Variants in SETBP1 observed in about 807,000 individuals in gnomAD.
The protein encoded by SETBP1 is SET-binding protein.
Under a neutral mutation model 101.0 loss-of-function variants are expected in SETBP1, and 9 were observed. The ratio of observed to expected loss-of-function variants is 0.09; its 90% confidence interval spans 0.05 to 0.16. The LOEUF is 0.16. Among genes scored for constraint, SETBP1 ranks in the 10% least tolerant of loss-of-function variants. The pLI, the probability that SETBP1 is intolerant of heterozygous loss-of-function variation, is 1.00. For synonymous variants in SETBP1, 818 were observed against 788.5 expected, an observed-to-expected ratio of 1.04 and a Z score of -0.63; for missense variants, 1,858 against 2,033.8, an observed-to-expected ratio of 0.91 and a Z score of 1.66.
At chr18:44,942,262 A>T (rs141291991) in intron 3 of SETBP1, among the ~76,000 whole-genome samples, 1 of 152,260 alleles carries the variant, frequency 6.6e-6, no homozygotes, top group Non-Finnish European at 1.5e-5. Context: ...TCTGGTGAGA[A>T]ATCCAACCTT....
intron 4 of SETBP1, among the ~76,000 whole-genome samples, chr18:45,035,330 T>C (rs2073375792): frequency 2.0e-5 from 3 of 152,252 alleles, no homozygotes; most frequent in Admixed American, 2.0e-4. Flanking sequence ...GGGTGGTAAC[T>C]AGAAAGCCGT....
chr18:44,956,770 G>T (rs1181535452), intron 4 of SETBP1, among the ~76,000 whole-genome samples: 1 of 152,152 alleles, frequency 6.6e-6, no homozygotes, highest in African/African-American at 2.4e-5. Context: ...AGGAATTAGA[G>T]ACCCTATTTA....
At chr18:45,032,749 C>G (rs2073323550) in intron 4 of SETBP1, among the ~76,000 whole-genome samples, 1 of 152,144 alleles carries the variant, frequency 6.6e-6, no homozygotes, top group Admixed American at 6.5e-5. Context: ...AAGGTGCCCT[C>G]TCTTTACTAA....
At chr18:44,819,113 A>G (rs1002962798) in intron 2 of SETBP1, among the ~76,000 whole-genome samples, 7 of 151,882 alleles carry the variant, frequency 4.6e-5, no homozygotes. Context: ...TGTTTCATTC[A>G]GACAGATACT....
intron 4 of SETBP1, among the ~76,000 whole-genome samples, chr18:45,016,506 G>A (rs912862973): frequency 1.3e-5 from 2 of 152,106 alleles, no homozygotes; most frequent in East Asian, 1.9e-4. Flanking sequence ...TCTCCGCCAC[G>A]GCTTGTAAGT....
At chr18:44,815,391 G>A (rs1307204103) in intron 2 of SETBP1, among the ~76,000 whole-genome samples, 4 of 152,222 alleles carry the variant, frequency 2.6e-5, no homozygotes, top group Non-Finnish European at 4.4e-5. Flanking sequence ...GCTGTACGGG[G>A]CAGCCCGTAT....
At chr18:44,694,990 A>G (rs183658140) in intron 1 of SETBP1, among the ~76,000 whole-genome samples, 14 of 152,336 alleles carry the variant, frequency 9.2e-5, no homozygotes, top group Middle Eastern at 3.4e-3. Context: ...TGCATAAAGT[A>G]AAGAAAGATT....
intron 3 of SETBP1, among the ~76,000 whole-genome samples, chr18:44,902,324 T>TA (rs1168430010): frequency 9.2e-5 from 14 of 152,194 alleles, no homozygotes; most frequent in African/African-American, 3.1e-4. Flanking sequence ...AGCACCTGTG[T>TA]TAAATATTTA....
intron 2 of SETBP1, among the ~76,000 whole-genome samples, chr18:44,804,319 G>T (rs1179114944): frequency 6.6e-6 from 1 of 152,136 alleles, no homozygotes; most frequent in African/African-American, 2.4e-5. Context: ...TGACCAAAAT[G>T]TTATGTATTC....
chr18:44,953,483 A>T, intron 4 of SETBP1, 143 bp downstream of exon 4: 1 of 739,224 alleles, frequency 1.4e-6, no homozygotes, highest in South Asian at 1.5e-5. Flanking sequence ...TGCACATTTG[A>T]GTTTGCTGCA....
chr18:45,041,282 A>G (rs2073503507), intron 5 of SETBP1, among the ~76,000 whole-genome samples: 1 of 152,236 alleles, frequency 6.6e-6, no homozygotes, highest in South Asian at 2.1e-4. Context: ...AGATAGCTTT[A>G]GCCAAAGCCA....
intron 3 of SETBP1, among the ~76,000 whole-genome samples, chr18:44,898,561 A>C (rs180791258): frequency 2.4e-3 from 358 of 152,144 alleles, no homozygotes; most frequent in African/African-American, 8.3e-3. Flanking sequence ...AGGGGCCCCA[A>C]TTTCCTGAGT....
intron 2 of SETBP1, among the ~76,000 whole-genome samples, chr18:44,795,280 G>T (rs868350461): frequency 3.3e-5 from 5 of 152,156 alleles, no homozygotes; most frequent in Non-Finnish European, 7.4e-5. Flanking sequence ...TCTCTTAGTT[G>T]TTCGGTCTCA....
intron 4 of SETBP1, among the ~76,000 whole-genome samples, chr18:45,006,236 G>A (rs2072723452): frequency 6.6e-6 from 1 of 152,046 alleles, no homozygotes; most frequent in Non-Finnish European, 1.5e-5. Context: ...ACAGGCGTGA[G>A]CCACCATGCC....
intron 3 of SETBP1, chr18:44,876,932 T>G: frequency 7.3e-7 from 1 of 1,361,114 alleles, no homozygotes; most frequent in Non-Finnish European, 9.4e-7. Context: ...AGATCCAGCT[T>G]CACAATGCTG....
At chr18:44,729,623 G>A (rs886126295) in intron 2 of SETBP1, among the ~76,000 whole-genome samples, 1 of 152,240 alleles carries the variant, frequency 6.6e-6, no homozygotes, top group African/African-American at 2.4e-5. Flanking sequence ...CACCCATGTG[G>A]TGATACTTGT....
At chr18:45,051,782 A>G (rs1359088365) in intron 5 of SETBP1, among the ~76,000 whole-genome samples, 1 of 152,098 alleles carries the variant, frequency 6.6e-6, no homozygotes, top group Non-Finnish European at 1.5e-5. Flanking sequence ...GCTTTAGTCC[A>G]TGTTTTTGTC....
chr18:44,950,960 C>T lies in SETBP1; in HGVS notation c.1620C>T (p.Ser540=). The part of the protein sequence containing the change: ...RRWTCSKPKP[S]TMLREAVMAT... Reference sequence around the variant, plus strand: ...GGACTTGCAGCAAACCAAAACCTAGCACCATGCTTCGAGAGGCAGTTATGG... The same window carrying T: ...GGACTTGCAGCAAACCAAAACCTAGTACCATGCTTCGAGAGGCAGTTATGG... Residue 540 remains serine (S), a synonymous_variant, in exon 4 of 6, where the codon AGC becomes AGT. Transcript: ENST00000649279. The T allele has an allele frequency of 6.2e-7, 1 of 1,614,100 alleles. No individual in the cohort carries two copies. Among genetic ancestry groups the T allele is most frequent in the Non-Finnish European group, 8.5e-7 (1 of 1,180,036 alleles).
intron 3 of SETBP1, among the ~76,000 whole-genome samples, chr18:44,893,416 A>G (rs2144792529): frequency 1.3e-5 from 2 of 152,302 alleles, no homozygotes; most frequent in Admixed American, 1.3e-4. Flanking sequence ...ACTTGCTTAA[A>G]TTCACACAAT....
Sources: gnomAD v4.1 joint callset for allele counts (sites outside exome capture counted in the v4.1 genomes callset) on GRCh38, gnomAD v4.1.1 for gene constraint, MANE v1.5 for transcripts, NCBI Gene and HGNC (gene_info 2026-07-23, HGNC 2026-07-21) for gene names.